Variants in PCDH11X observed in about 807,000 individuals in gnomAD.
The protein encoded by PCDH11X is protocadherin-11 X-linked.
A neutral mutation model predicts 53.3 loss-of-function variants in PCDH11X; 18 were observed. The observed-to-expected ratio is 0.34, with a 90% CI of 0.23 to 0.50. PCDH11X has a LOEUF of 0.50. Ranked by LOEUF, PCDH11X falls within the 20% of genes least tolerant of loss-of-function variation. The pLI, the probability that PCDH11X is intolerant of heterozygous loss-of-function variation, is 0.98. For synonymous variants in PCDH11X, 279 were observed against 393.3 expected, an observed-to-expected ratio of 0.71 and a Z score of 3.44; for missense variants, 570 against 1,032.4, an observed-to-expected ratio of 0.55 and a Z score of 6.14.
intron 6 of PCDH11X, among the ~76,000 whole-genome samples, chrX:91,892,789 C>T (rs1040668731): frequency 3.7e-5 from 4 of 107,731 alleles, no homozygotes; most frequent in African/African-American, 1.4e-4. Flanking sequence ...GCAACATCCG[C>T]CTCCCGGGTT....
At chrX:91,924,926 A>T (rs2524640) in intron 6 of PCDH11X, among the ~76,000 whole-genome samples, 1 of 110,344 alleles carries the variant, frequency 9.1e-6, no homozygotes, top group African/African-American at 3.3e-5. Flanking sequence ...TTAGTATCCA[A>T]TTTTCACGGA....
chrX:92,136,518 T>C (rs1314929062), intron 6 of PCDH11X, among the ~76,000 whole-genome samples: 1 of 107,643 alleles, frequency 9.3e-6, no homozygotes, highest in African/African-American at 3.4e-5. Context: ...GAAAATCTTG[T>C]TGAATTCAAA....
At chrX:92,070,033 G>A (rs1461145286) in intron 6 of PCDH11X, among the ~76,000 whole-genome samples, 1 of 110,695 alleles carries the variant, frequency 9.0e-6, no homozygotes, top group Non-Finnish European at 1.9e-5. Context: ...AAACAAACAT[G>A]CAAAAAAAAA....
In PCDH11X at chrX:92,622,823, A is replaced by AGTT. The variant is rs1200691341; in HGVS notation, c.*3885_*3887dup. ...AAATATGATTTTTAAAAGCAGTTCA[A>AGTT]GTTGACAACAGCAGAAACAGTAACA... On this transcript the variant is annotated 3_prime_UTR_variant, in exon 11 of 11. Coordinates refer to ENST00000682573, the MANE Select transcript of PCDH11X (RefSeq NM_032968.5). 1 of 110,166 alleles carries AGTT rather than the reference A, an allele frequency of 9.1e-6. No individual in the cohort carries two copies. The highest frequency in any genetic ancestry group is 3.3e-5 in the African/African-American group (1 of 30,390). The allele number at this position is 110,166 out of a possible 1,213,427, so 9.1% of individuals were successfully genotyped here. A position where few individuals can be genotyped will look rare whatever the true frequency, so the allele number is the denominator to read the frequency against.
chrX:92,280,943 A>G (rs192220043), intron 8 of PCDH11X, among the ~76,000 whole-genome samples: 1 of 111,374 alleles, frequency 9.0e-6, no homozygotes, highest in African/African-American at 3.3e-5. Flanking sequence ...TGAATCAAGG[A>G]ACTGCTAAAG....
chrX:92,159,029 A>G (rs1424854216), intron 6 of PCDH11X, among the ~76,000 whole-genome samples: 6 of 112,321 alleles, frequency 5.3e-5, no homozygotes, highest in Non-Finnish European at 1.1e-4. Flanking sequence ...AAAAATAAGT[A>G]CATATTACAA....
intron 6 of PCDH11X, among the ~76,000 whole-genome samples, chrX:91,990,846 G>C (rs1475404858): frequency 9.5e-6 from 1 of 105,355 alleles, no homozygotes; most frequent in East Asian, 3.1e-4. Context: ...TGGGGGGCTA[G>C]CCTCACTACT....
chrX:92,374,234 G>T, intron 8 of PCDH11X, among the ~76,000 whole-genome samples: 1 of 104,895 alleles, frequency 9.5e-6, no homozygotes, highest in African/African-American at 3.5e-5. Flanking sequence ...TATTTTCCTG[G>T]CCATTTCTCT....
In PCDH11X at chrX:92,620,530, T is replaced by G. The variant is rs1260280356; in HGVS notation, c.*1590T>G. Reference sequence around the variant, plus strand: ...CCTATTGATTAACTTAGACATAGATTTTGTAATGTATAACTTGATATTTAA... The same window carrying G: ...CCTATTGATTAACTTAGACATAGATGTTGTAATGTATAACTTGATATTTAA... On this transcript the variant is annotated 3_prime_UTR_variant, in exon 11 of 11. Transcript: ENST00000682573. The G allele has an allele frequency of 9.1e-6, 1 of 110,094 alleles. No individual in the cohort carries two copies. The highest frequency in any genetic ancestry group is 1.9e-5 in the Non-Finnish European group (1 of 52,567). The allele number at this position is 110,094 out of a possible 1,213,427, so 9.1% of individuals were successfully genotyped here. A position where few individuals can be genotyped will look rare whatever the true frequency, so the allele number is the denominator to read the frequency against.
At chrX:92,321,810 GT>G (rs1285077902) in intron 8 of PCDH11X, among the ~76,000 whole-genome samples, 1 of 110,876 alleles carries the variant, frequency 9.0e-6, no homozygotes, top group Non-Finnish European at 1.9e-5. Context: ...TTTTTAAGTT[GT>G]TTTTCTGGGG....
chrX:92,210,318 A>G (rs1410545957), intron 7 of PCDH11X, among the ~76,000 whole-genome samples: 2 of 91,927 alleles, frequency 2.2e-5, no homozygotes. Context: ...AGCTCACTGC[A>G]AGCTCCGCTT....
intron 5 of PCDH11X, among the ~76,000 whole-genome samples, chrX:91,857,207 T>C (rs1479371361): frequency 9.0e-6 from 1 of 110,774 alleles, no homozygotes; most frequent in Non-Finnish European, 1.9e-5. Flanking sequence ...AGCTCCTTTT[T>C]ATGAAACCAT....
intron 10 of PCDH11X, among the ~76,000 whole-genome samples, chrX:92,522,922 G>T (rs1343827644): frequency 4.5e-5 from 5 of 111,415 alleles, no homozygotes; most frequent in Admixed American, 9.5e-5. Flanking sequence ...TCACTTGGAT[G>T]AAATGTATCC....
chrX:92,314,753 G>A (rs1603267792), intron 8 of PCDH11X, among the ~76,000 whole-genome samples: 1 of 110,092 alleles, frequency 9.1e-6, no homozygotes, highest in African/African-American at 3.3e-5. Context: ...AACATTGAGC[G>A]GCACAGGGCT....
intron 6 of PCDH11X, among the ~76,000 whole-genome samples, chrX:91,886,829 G>C (rs1421023701): frequency 1.2e-3 from 129 of 108,183 alleles, no homozygotes; most frequent in African/African-American, 4.3e-3. Context: ...AAATTAGCTG[G>C]GCGTGGTGGC....
chrX:92,334,719 C>T (rs2069574606), intron 8 of PCDH11X, among the ~76,000 whole-genome samples: 1 of 111,626 alleles, frequency 9.0e-6, no homozygotes, highest in South Asian at 3.8e-4. Flanking sequence ...ACTGATTCAT[C>T]TTGTAAACAG....
chrX:92,390,253 G>C (rs1333067294), intron 9 of PCDH11X, among the ~76,000 whole-genome samples: 2 of 109,800 alleles, frequency 1.8e-5, no homozygotes, highest in Non-Finnish European at 3.8e-5. Flanking sequence ...TTTTGGTTAG[G>C]AGTTTTGTTT....
At chrX:92,535,792 C>G (rs1173514279) in intron 10 of PCDH11X, among the ~76,000 whole-genome samples, 1 of 111,722 alleles carries the variant, frequency 9.0e-6, no homozygotes, top group Non-Finnish European at 1.9e-5. Flanking sequence ...GAACACTACT[C>G]TAATTTAAAT....
chrX:92,217,283 T>C (rs1230478966), intron 7 of PCDH11X, among the ~76,000 whole-genome samples: 1 of 110,566 alleles, frequency 9.0e-6, no homozygotes, highest in African/African-American at 3.3e-5. Context: ...TCAAGACCCA[T>C]TAGTGTGCTG....
Sources: gnomAD v4.1 joint callset for allele counts (sites outside exome capture counted in the v4.1 genomes callset) on GRCh38, gnomAD v4.1.1 for gene constraint, MANE v1.5 for transcripts, NCBI Gene and HGNC (gene_info 2026-07-23, HGNC 2026-07-21) for gene names.